Variants in ATF3 observed in about 807,000 individuals in gnomAD.
ATF3 encodes the protein cyclic AMP-dependent transcription factor ATF-3.
A neutral mutation model predicts 18.4 loss-of-function variants in ATF3; 10 were observed. That is an observed-to-expected ratio of 0.54 (90% CI 0.34 to 0.92). The LOEUF is 0.92. ATF3 is among the 40% of genes least tolerant of loss of function. The probability of loss-of-function intolerance (pLI) is 0.02; values close to 1 mark genes in which losing one functional copy is unlikely to be tolerated. For missense variants in ATF3, 183 were observed against 222.3 expected (o/e 0.82, Z 1.12); for synonymous variants, 78 against 87.9 (o/e 0.89, Z 0.63).
intron 1 of ATF3, among the ~76,000 whole-genome samples, chr1:212,586,312 C>T (rs1664779346): frequency 6.6e-6 from 1 of 152,192 alleles, no homozygotes; most frequent in South Asian, 2.1e-4. Context: ...GTCTCCCTCT[C>T]CCCTTTCTCC....
At chr1:212,610,856 T>C (rs562184349) in intron 1 of ATF3, among the ~76,000 whole-genome samples, 18 of 152,300 alleles carry the variant, frequency 1.2e-4, no homozygotes, top group African/African-American at 4.3e-4. Context: ...GAGCAGTCGG[T>C]GGGTGTTCAG....
chr1:212,589,802 C>CTT (rs35586185), intron 1 of ATF3, among the ~76,000 whole-genome samples: 156 of 143,226 alleles, frequency 1.1e-3, no homozygotes, highest in Middle Eastern at 0.011. Context: ...TCTTGGTCAA[C>CTT]TTTTTTTTTT....
At chr1:212,565,435 T>C (rs1412312550) in exon 1 of ATF3, 1 of 152,200 alleles carries the variant, frequency 6.6e-6, no homozygotes, top group African/African-American at 2.4e-5. Flanking sequence ...CTCCTCTATA[T>C]AGGATGCTCT....
intron 1 of ATF3, among the ~76,000 whole-genome samples, chr1:212,583,965 A>T (rs1664732428): frequency 1.3e-5 from 2 of 152,180 alleles, no homozygotes; most frequent in African/African-American, 4.8e-5. Context: ...TACAGTGATG[A>T]CCAAAACAGA....
upstream of ATF3, among the ~76,000 whole-genome samples, chr1:212,603,846 TA>T (rs1654551806): frequency 6.6e-6 from 1 of 151,964 alleles, no homozygotes; most frequent in East Asian, 1.9e-4. Context: ...TAATAAGACA[TA>T]TTTTTAAGAA....
At chr1:212,586,054 C>T (rs578232428) in intron 1 of ATF3, among the ~76,000 whole-genome samples, 1 of 152,326 alleles carries the variant, frequency 6.6e-6, no homozygotes, top group East Asian at 1.9e-4. Flanking sequence ...CCTCTGGGGT[C>T]CTGCCCGTGG....
Position 212,619,773 on chromosome 1 carries a change from C to G in ATF3, c.*218C>G. The G allele has an allele frequency of 1.9e-6, 1 of 535,938 alleles. No homozygotes were observed. The highest frequency in any genetic ancestry group is 2.0e-5 in the South Asian group (1 of 49,888). The allele number at this position is 535,938 out of a possible 1,614,324, so 33.2% of individuals were successfully genotyped here. A position where few individuals can be genotyped will look rare whatever the true frequency, so the allele number is the denominator to read the frequency against. Reference sequence around the variant, plus strand: ...GGCAAGTGCATCTTTGCCTCAACTCCAGGATTTAGGCCTTAACACACTGGC... The same window carrying G: ...GGCAAGTGCATCTTTGCCTCAACTCGAGGATTTAGGCCTTAACACACTGGC... On this transcript the variant is annotated 3_prime_UTR_variant, in exon 4 of 4. Transcript: ENST00000341491. This position sits in a 1 kb window ranked among gnomAD's most constrained non-coding sequence, Gnocchi z 4.4.
chr1:212,591,199 T>C (rs1664877744), intron 1 of ATF3, among the ~76,000 whole-genome samples: 1 of 152,196 alleles, frequency 6.6e-6, no homozygotes, highest in Admixed American at 6.5e-5. Flanking sequence ...CTTAAGGGCA[T>C]GTGTTAAGAC....
In ATF3 at chr1:212,578,217, AT is replaced by A. The variant is rs370471534; in HGVS notation, c.-5+12736del. Among the ~76,000 whole-genome samples, 19 of 152,330 alleles carry A rather than the reference AT, an allele frequency of 1.2e-4. No homozygotes were observed. In the South Asian group the frequency reaches 3.9e-3, roughly 32 times the overall value. ...CTTCACTTCTAGAAAATTCTCAGCC[AT>A]TATGTCTTTAAATATTGCATCACTG... On this transcript the variant is annotated intron_variant, in intron 1 of 3. Coordinates refer to the ATF3 transcript ENST00000366981.
intron 1 of ATF3, among the ~76,000 whole-genome samples, chr1:212,590,159 A>T (rs1057457960): frequency 7.2e-5 from 11 of 152,190 alleles, no homozygotes; most frequent in African/African-American, 2.4e-4. Flanking sequence ...ACAATATAGG[A>T]ACTGTGTCTA....
At chr1:212,584,864 C>T (rs1053146619) in intron 1 of ATF3, among the ~76,000 whole-genome samples, 1 of 152,158 alleles carries the variant, frequency 6.6e-6, no homozygotes, top group Non-Finnish European at 1.5e-5. Context: ...TGGATGGAAC[C>T]TTTGTGGGAA....
chr1:212,614,960 GA>G, intron 1 of ATF3, 57 bp from the exon 2 acceptor site: 1 of 1,613,778 alleles, frequency 6.2e-7, no homozygotes, highest in Non-Finnish European at 8.5e-7. Flanking sequence ...GGGGGAGGGG[GA>G]CTTGATCCCA....
At chr1:212,570,861 C>G (rs1450768631) in intron 1 of ATF3, among the ~76,000 whole-genome samples, 1 of 152,132 alleles carries the variant, frequency 6.6e-6, no homozygotes, top group East Asian at 1.9e-4. Context: ...TTATTTATTC[C>G]TCTATTGATA....
chr1:212,582,058 CACTT>C (rs1192422665), intron 1 of ATF3, among the ~76,000 whole-genome samples: 1 of 152,208 alleles, frequency 6.6e-6, no homozygotes, highest in African/African-American at 2.4e-5. Context: ...CCCTTCCCCT[CACTT>C]ACAGGATTGC....
chr1:212,580,591 C>A (rs925367208), intron 1 of ATF3, among the ~76,000 whole-genome samples: 2 of 152,158 alleles, frequency 1.3e-5, no homozygotes, highest in Admixed American at 1.3e-4. Flanking sequence ...CAGGCGTGAA[C>A]CACCATACCC....
chr1:212,602,081 A>C (rs1348054825), intron 1 of ATF3, among the ~76,000 whole-genome samples: 1 of 151,736 alleles, frequency 6.6e-6, no homozygotes, highest in African/African-American at 2.4e-5. Flanking sequence ...TTACAGGAGA[A>C]ACTGAGGTTA....
chr1:212,576,138 T>A (rs1256747329), intron 1 of ATF3, among the ~76,000 whole-genome samples: 1 of 152,174 alleles, frequency 6.6e-6, no homozygotes, highest in Non-Finnish European at 1.5e-5. Flanking sequence ...ATTTCTTTAG[T>A]AGCTAAGGCT....
At chr1:212,587,724 C>G (rs1004025889) in intron 1 of ATF3, among the ~76,000 whole-genome samples, 21 of 152,254 alleles carry the variant, frequency 1.4e-4, no homozygotes, top group Non-Finnish European at 2.9e-4. Flanking sequence ...CGTTCATTCA[C>G]TCACTCATAC....
upstream of ATF3, chr1:212,608,673 A>G (rs1226192757): frequency 1.3e-5 from 2 of 152,280 alleles, no homozygotes; most frequent in Non-Finnish European, 2.9e-5. Context: ...TAATAGCATT[A>G]CGTCAGCCTG....
Sources: gnomAD v4.1 joint callset for allele counts (sites outside exome capture counted in the v4.1 genomes callset) on GRCh38, gnomAD v4.1.1 for gene constraint, Gnocchi (gnomAD v3.1) non-coding constraint, MANE v1.5 for transcripts, NCBI Gene and HGNC (gene_info 2026-07-23, HGNC 2026-07-21) for gene names.